The following SCN11A variants were observed in gnomAD, a reference collection of about 807,000 sequenced individuals.
SCN11A encodes the protein sodium channel protein type 11 subunit alpha.
Under a neutral mutation model 162.2 loss-of-function variants are expected in SCN11A, and 122 were observed. That is an observed-to-expected ratio of 0.75 (90% CI 0.65 to 0.87). The LOEUF (loss-of-function observed/expected upper bound fraction) is 0.87, where lower values mean the gene tolerates loss of function less well. Ranked by LOEUF, SCN11A falls within the 40% of genes least tolerant of loss-of-function variation. The pLI is 0.00. For synonymous variants in SCN11A, 758 were observed against 751.5 expected (o/e 1.01, Z -0.14); for missense variants, 2,015 against 2,181.6 (o/e 0.92, Z 1.52).
chr3:38,943,015 G>A (rs946459107), intron 7 of SCN11A, among the ~76,000 whole-genome samples: 1 of 152,032 alleles, frequency 6.6e-6, no homozygotes, highest in Non-Finnish European at 1.5e-5. Flanking sequence ...ATTTTTATAC[G>A]GAAGTGTTCG....
In SCN11A at chr3:38,925,448, A is replaced by T; in HGVS notation, c.679T>A (p.Phe227Ile). 6.2e-7 allele frequency: 1 copy of T among 1,613,782 alleles called. No individual in the cohort carries two copies. Among genetic ancestry groups the T allele is most frequent in the Non-Finnish European group, 8.5e-7 (1 of 1,179,664 alleles). ...KLLPLRTFRV[F>I]RALKAISVVS... is the part of the protein sequence containing the mutation. ...ACTGAAATTGCTTTCAAAGCTCTGA[A>T]CACACGGAAGGTACGCAGGGGCAAT... The change falls in exon 9 of 30, where the codon TTC becomes ATC. Residue 227 changes from phenylalanine to isoleucine, a missense_variant. Phe to Ile is a conservative substitution (Grantham distance 21). Transcript: ENST00000302328.
At chr3:38,961,877 C>T (rs1313527667) in intron 2 of SCN11A, among the ~76,000 whole-genome samples, 1 of 152,130 alleles carries the variant, frequency 6.6e-6, no homozygotes, top group Non-Finnish European at 1.5e-5. Flanking sequence ...TTAATTAGGT[C>T]CCAGCTATTT....
intron 2 of SCN11A, among the ~76,000 whole-genome samples, chr3:38,971,871 G>C (rs1264466184): frequency 6.6e-6 from 1 of 152,300 alleles, no homozygotes; most frequent in East Asian, 1.9e-4. Flanking sequence ...TGGGACAAAA[G>C]ATGTTGGATG....
At position 38,847,453 on chromosome 3, in the gene SCN11A, G is replaced by A; in HGVS notation, c.4617C>T (p.Ser1539=). 6.2e-7 allele frequency: 1 copy of A among 1,614,208 alleles called. No homozygotes were observed. The highest frequency in any genetic ancestry group is 1.7e-5 in the Admixed American group (1 of 60,026). ...DDIFNFKTFA[S]SMLCLFQIST... ...TTATCTGGAAGAGACAGAGCATGCT[G>A]CTGGCAAAAGTCTTGAAGTTGAATA... The change falls in exon 30 of 30, where the codon AGC becomes AGT. Residue 1539 remains serine, a synonymous_variant. Transcript: ENST00000302328.
At chr3:38,866,378 C>A (rs2065041844) in intron 27 of SCN11A, among the ~76,000 whole-genome samples, 1 of 152,062 alleles carries the variant, frequency 6.6e-6, no homozygotes, top group Non-Finnish European at 1.5e-5. Flanking sequence ...ACCACCACAG[C>A]TGGTTAATTT....
chr3:39,049,761 G>A (rs1329041229), intron 1 of SCN11A, among the ~76,000 whole-genome samples: 1 of 152,186 alleles, frequency 6.6e-6, no homozygotes, highest in Non-Finnish European at 1.5e-5. Flanking sequence ...ATTCTGAGAG[G>A]TCCATCACTA....
At chr3:38,989,351 G>A (rs1166350503) in intron 2 of SCN11A, among the ~76,000 whole-genome samples, 2 of 152,172 alleles carry the variant, frequency 1.3e-5, no homozygotes, top group Admixed American at 6.5e-5. Flanking sequence ...CCGCTGCCCT[G>A]ACTGAATCCC....
intron 7 of SCN11A, among the ~76,000 whole-genome samples, chr3:38,927,564 A>C (rs904905345): frequency 6.6e-6 from 1 of 152,232 alleles, no homozygotes; most frequent in African/African-American, 2.4e-5. Flanking sequence ...ATTTATTACA[A>C]AGCTACAGTA....
intron 9 of SCN11A, among the ~76,000 whole-genome samples, chr3:38,922,969 A>C (rs907564412): frequency 6.6e-6 from 1 of 152,212 alleles, no homozygotes; most frequent in African/African-American, 2.4e-5. Flanking sequence ...CAGAGAGGGA[A>C]GATAATAAAC....
intron 2 of SCN11A, among the ~76,000 whole-genome samples, chr3:38,984,513 A>C (rs1251781939): frequency 6.8e-6 from 1 of 147,448 alleles, no homozygotes; most frequent in Non-Finnish European, 1.5e-5. Flanking sequence ...ATTTGTGCTG[A>C]GCTTTTTTTT....
At position 39,028,858 on chromosome 3, in the gene SCN11A, T is replaced by G. The variant is rs75799181; in HGVS notation, c.-280+3522A>C. ...CATGAGAGCAGCATTAATGTCTTCA[T>G]GAAGGCAAAGCCCTCATGACCCAAA... On this transcript the variant is annotated intron_variant, in intron 2 of 29. Coordinates refer to ENST00000302328, the MANE Select transcript of SCN11A (RefSeq NM_001349253.2). Among the ~76,000 whole-genome samples the G allele has an allele frequency of 2.2e-3, 330 of 152,288 alleles. 2 individuals carry two copies. Among genetic ancestry groups the G allele is most frequent in the African/African-American group, 7.0e-3 (289 of 41,558 alleles).
intron 25 of SCN11A, among the ~76,000 whole-genome samples, chr3:38,871,100 G>A (rs1469179069): frequency 2.0e-5 from 3 of 152,176 alleles, no homozygotes. Context: ...TCAAGACCTG[G>A]CAACTGTGCT....
intron 5 of SCN11A, among the ~76,000 whole-genome samples, chr3:38,947,184 G>A (rs970693162): frequency 2.0e-5 from 3 of 152,198 alleles, no homozygotes; most frequent in Admixed American, 6.5e-5. Context: ...AAAGGGACTA[G>A]AAGAGAACTT....
intron 28 of SCN11A, among the ~76,000 whole-genome samples, chr3:38,855,896 T>C (rs1335031528): frequency 1.3e-5 from 2 of 152,138 alleles, no homozygotes; most frequent in East Asian, 3.8e-4. Flanking sequence ...CAGGACTCTT[T>C]GCAAACATTC....
At chr3:38,950,948 T>C (rs2066603557) in intron 4 of SCN11A, among the ~76,000 whole-genome samples, 1 of 152,266 alleles carries the variant, frequency 6.6e-6, no homozygotes, top group African/African-American at 2.4e-5. Context: ...CTCTCACTTC[T>C]AGGACTTCGA....
At chr3:38,972,226 T>C (rs2066820916) in intron 2 of SCN11A, among the ~76,000 whole-genome samples, 1 of 152,140 alleles carries the variant, frequency 6.6e-6, no homozygotes, top group Non-Finnish European at 1.5e-5. Context: ...TGGGGGAGCC[T>C]TGGAAGCCCC....
At chr3:38,859,741 T>A (rs1018084389) in intron 28 of SCN11A, among the ~76,000 whole-genome samples, 2 of 152,198 alleles carry the variant, frequency 1.3e-5, no homozygotes, top group Non-Finnish European at 2.9e-5. Flanking sequence ...TAGGCTGAAC[T>A]AACTTTGGGA....
At chr3:39,029,855 G>A (rs1440252965) in intron 2 of SCN11A, among the ~76,000 whole-genome samples, 2 of 152,238 alleles carry the variant, frequency 1.3e-5, no homozygotes, top group Non-Finnish European at 2.9e-5. Context: ...GCAGTTTGAA[G>A]GTGCTTAGAG....
At chr3:38,924,884 ACTC>A (rs2066113512) in intron 9 of SCN11A, among the ~76,000 whole-genome samples, 1 of 149,686 alleles carries the variant, frequency 6.7e-6, no homozygotes, top group Non-Finnish European at 1.5e-5. Context: ...CATCCTTGCT[ACTC>A]CTCAATCTCT....
Sources: gnomAD v4.1 joint callset for allele counts (sites outside exome capture counted in the v4.1 genomes callset) on GRCh38, gnomAD v4.1.1 for gene constraint, MANE v1.5 for transcripts, NCBI Gene and HGNC (gene_info 2026-07-23, HGNC 2026-07-21) for gene names.